Variants in MECOM observed in about 807,000 individuals in gnomAD.
MECOM encodes the protein MDS1 and EVI1 complex locus, also known as histone-lysine N-methyltransferase MECOM.
MECOM carries 13 observed loss-of-function variants against 116.3 expected under a neutral mutation model. That is an observed-to-expected ratio of 0.11 (90% CI 0.07 to 0.18). The LOEUF (loss-of-function observed/expected upper bound fraction) is 0.18. Among genes scored for constraint, MECOM ranks in the 10% least tolerant of loss-of-function variants. MECOM has a pLI of 1.00. For missense variants in MECOM, 1,299 were observed against 1,509.0 expected (o/e 0.86, Z 2.31); for synonymous variants, 528 against 535.2 (o/e 0.99, Z 0.19).
At chr3:169,093,873 A>T (rs1218295186) in intron 13 of MECOM, among the ~76,000 whole-genome samples, 5 of 152,192 alleles carry the variant, frequency 3.3e-5, no homozygotes, top group African/African-American at 1.2e-4. Context: ...TCATCACAAT[A>T]GTCTATATGA....
intron 1 of MECOM, among the ~76,000 whole-genome samples, chr3:169,515,640 C>A (rs1281163436): frequency 3.9e-5 from 6 of 152,140 alleles, no homozygotes; most frequent in Non-Finnish European, 7.4e-5. Context: ...GCATCATTTT[C>A]AGATGAAGTC....
chr3:169,363,783 AG>A (rs1397904574), intron 2 of MECOM, among the ~76,000 whole-genome samples: 1 of 151,950 alleles, frequency 6.6e-6, no homozygotes, highest in Non-Finnish European at 1.5e-5. Context: ...TATATAAATA[AG>A]AACAGCATCC....
chr3:169,284,295 A>T (rs1712796648), intron 2 of MECOM, among the ~76,000 whole-genome samples: 1 of 152,220 alleles, frequency 6.6e-6, no homozygotes, highest in Admixed American at 6.5e-5. Flanking sequence ...ACGGGGTCAC[A>T]TTCTAGCAGC....
chr3:169,579,188 C>A (rs1458502609), intron 1 of MECOM, among the ~76,000 whole-genome samples: 2 of 152,174 alleles, frequency 1.3e-5, no homozygotes, highest in Non-Finnish European at 2.9e-5. Context: ...CTTCCCCCTT[C>A]TTTGCAGCAG....
chr3:169,425,210 C>G (rs1351893101), intron 1 of MECOM, among the ~76,000 whole-genome samples: 1 of 151,788 alleles, frequency 6.6e-6, no homozygotes, highest in African/African-American at 2.4e-5. Context: ...GGAGCACTTT[C>G]AATTTTTTAT....
intron 1 of MECOM, among the ~76,000 whole-genome samples, chr3:169,469,455 G>A (rs1179329810): frequency 1.3e-5 from 2 of 152,110 alleles, no homozygotes; most frequent in African/African-American, 4.8e-5. Flanking sequence ...TAACCTATGA[G>A]TGACTTAAAA....
intron 2 of MECOM, among the ~76,000 whole-genome samples, chr3:169,238,942 A>C (rs1754439181): frequency 6.6e-6 from 1 of 152,166 alleles, no homozygotes; most frequent in Admixed American, 6.5e-5. Flanking sequence ...AATGTCTCAT[A>C]CTTATTTAAA....
chr3:169,243,770 G>A (rs1273617743), intron 2 of MECOM, among the ~76,000 whole-genome samples: 4 of 152,162 alleles, frequency 2.6e-5, no homozygotes, highest in Non-Finnish European at 4.4e-5. Flanking sequence ...ACTCTGAAAC[G>A]TCACATGGCT....
chr3:169,191,762 GAAAGAAAGAAAGAA>G (rs1747695989), intron 2 of MECOM, among the ~76,000 whole-genome samples: 3 of 136,294 alleles, frequency 2.2e-5, no homozygotes, highest in African/African-American at 5.2e-5. Flanking sequence ...AAGAAAGAAA[GAAAGAAAGAAAGAA>G]AGAAAGAAAG....
At chr3:169,447,574 A>G (rs958229336) in intron 1 of MECOM, among the ~76,000 whole-genome samples, 1 of 152,210 alleles carries the variant, frequency 6.6e-6, no homozygotes, top group Non-Finnish European at 1.5e-5. Context: ...GTTAATTTCT[A>G]GAAGTAAAAA....
At chr3:169,332,009 A>T (rs1305196364) in intron 2 of MECOM, among the ~76,000 whole-genome samples, 33 of 81,828 alleles carry the variant, frequency 4.0e-4, no homozygotes, top group African/African-American at 1.5e-3. Flanking sequence ...TTTATTTAAA[A>T]AAAAAAAAAA....
intron 2 of MECOM, among the ~76,000 whole-genome samples, chr3:169,201,442 T>A (rs1014808486): frequency 1.8e-4 from 28 of 152,088 alleles, no homozygotes; most frequent in African/African-American, 5.8e-4. Flanking sequence ...AGGGTCAGGT[T>A]TTTTTGTCTG....
intron 2 of MECOM, among the ~76,000 whole-genome samples, chr3:169,267,135 T>C (rs1758411061): frequency 1.3e-5 from 2 of 152,360 alleles, no homozygotes; most frequent in South Asian, 4.1e-4. Context: ...GAATGTGAGA[T>C]TGAAGGTCAC....
intron 2 of MECOM, among the ~76,000 whole-genome samples, chr3:169,220,791 T>C (rs1752041665): frequency 6.6e-6 from 1 of 152,152 alleles, no homozygotes; most frequent in South Asian, 2.1e-4. Context: ...TACACTTTTT[T>C]CTTAACTTTT....
chr3:169,483,204 T>A (rs546727528), intron 1 of MECOM, among the ~76,000 whole-genome samples: 6,378 of 112,946 alleles, frequency 0.056, 152 homozygotes, highest in Non-Finnish European at 0.074. Context: ...TTATTTTTAT[T>A]TTTTTTTTTT....
chr3:169,599,374 C>T (rs879655492), intron 1 of MECOM, among the ~76,000 whole-genome samples: 2 of 151,934 alleles, frequency 1.3e-5, no homozygotes, highest in Non-Finnish European at 2.9e-5. Flanking sequence ...ATCAGCTGGG[C>T]GTGGTGGCGC....
At chr3:169,125,699 GCAGT>G (rs1460406816) in intron 5 of MECOM, among the ~76,000 whole-genome samples, 1 of 152,112 alleles carries the variant, frequency 6.6e-6, no homozygotes, top group African/African-American at 2.4e-5. Flanking sequence ...TAGAAGCAAT[GCAGT>G]CAGTCAGTGA....
intron 1 of MECOM, among the ~76,000 whole-genome samples, chr3:169,414,761 A>T (rs1738237979): frequency 1.3e-5 from 2 of 152,206 alleles, no homozygotes; most frequent in Non-Finnish European, 2.9e-5. Context: ...AGCCCAATCA[A>T]TCAAGTGGAA....
At chr3:169,126,022 C>T (rs1267655242) in intron 5 of MECOM, among the ~76,000 whole-genome samples, 1 of 151,932 alleles carries the variant, frequency 6.6e-6, no homozygotes, top group Non-Finnish European at 1.5e-5. Context: ...CCAAAAATAC[C>T]AGTTGGAGGA....
Sources: gnomAD v4.1 joint callset for allele counts (sites outside exome capture counted in the v4.1 genomes callset) on GRCh38, gnomAD v4.1.1 for gene constraint, MANE v1.5 for transcripts, NCBI Gene and HGNC (gene_info 2026-07-23, HGNC 2026-07-21) for gene names.